The following GRIK4 variants were observed in gnomAD, a reference collection of about 807,000 sequenced individuals.
The protein encoded by GRIK4 is glutamate receptor ionotropic, kainate 4.
In GRIK4, 40 loss-of-function variants were observed where a neutral mutation model predicts 104.9. The observed-to-expected ratio is 0.38, with a 90% CI of 0.30 to 0.50. The LOEUF is 0.50. Ranked by LOEUF, GRIK4 falls within the 20% of genes least tolerant of loss-of-function variation. GRIK4 has a pLI of 0.93. For synonymous variants in GRIK4, 485 were observed against 524.9 expected, an observed-to-expected ratio of 0.92 and a Z score of 1.04; for missense variants, 1,047 against 1,308.1, an observed-to-expected ratio of 0.80 and a Z score of 3.08.
At chr11:120,584,525 G>T (rs1948632597) in intron 1 of GRIK4, among the ~76,000 whole-genome samples, 1 of 152,216 alleles carries the variant, frequency 6.6e-6, no homozygotes, top group Admixed American at 6.5e-5. Context: ...AGAGAGAGAG[G>T]TAAGGGGAGT....
chr11:120,874,193 C>A lies in GRIK4; in HGVS notation c.1034C>A (p.Thr345Asn), dbSNP rs1267915103. 1.9e-6 allele frequency: 3 copies of A among 1,612,876 alleles called. No individual in the cohort carries two copies. The highest frequency in any genetic ancestry group is 1.7e-6 in the Non-Finnish European group (2 of 1,179,804). ...TCGGCCCAGATCTGGCAGCACGGCA[C>A]CAGCCTCATGAACTACCTGCGCATG... ...CGSAQIWQHG[T>N]SLMNYLRMVE... The change falls in exon 10 of 21, where the codon ACC becomes AAC. Residue 345 changes from threonine (T) to asparagine (N), a missense_variant. Physicochemically the swap from Thr to Asn is moderately conservative, Grantham distance 65 (BLOSUM62 0). Coordinates refer to ENST00000527524, the MANE Select transcript of GRIK4 (RefSeq NM_014619.5).
intron 11 of GRIK4, among the ~76,000 whole-genome samples, chr11:120,880,563 T>C (rs1345029850): frequency 6.6e-6 from 1 of 152,202 alleles, no homozygotes; most frequent in Non-Finnish European, 1.5e-5. Context: ...TGCAGAGTTG[T>C]CCCAGCCCAT....
chr11:120,881,482 C>G (rs546312397), intron 11 of GRIK4, among the ~76,000 whole-genome samples: 37 of 152,246 alleles, frequency 2.4e-4, no homozygotes, highest in South Asian at 1.5e-3. Flanking sequence ...AGCTGACAGC[C>G]AGACTTTTGT....
intron 1 of GRIK4, among the ~76,000 whole-genome samples, chr11:120,594,239 A>G (rs559787495): frequency 6.6e-6 from 1 of 152,352 alleles, no homozygotes; most frequent in African/African-American, 2.4e-5. Context: ...GTATTTTGGG[A>G]GGCCAAGGCC....
At chr11:120,700,268 T>C (rs868867692) in intron 3 of GRIK4, among the ~76,000 whole-genome samples, 14,692 of 142,724 alleles carry the variant, frequency 0.1, 732 homozygotes, top group South Asian at 0.18. Flanking sequence ...TTACTACTTT[T>C]TTTTTTTTTT....
chr11:120,775,296 G>GCC (rs981898234), intron 3 of GRIK4, among the ~76,000 whole-genome samples: 4 of 152,106 alleles, frequency 2.6e-5, no homozygotes, highest in African/African-American at 9.7e-5. Context: ...ATACAAGAGA[G>GCC]CCCCCCTAAG....
chr11:120,716,213 A>G (rs535952120), intron 3 of GRIK4, among the ~76,000 whole-genome samples: 1 of 132,212 alleles, frequency 7.6e-6, no homozygotes, highest in Non-Finnish European at 1.6e-5. Flanking sequence ...TTCTGTAGTT[A>G]TAAAGCTCAT....
At chr11:120,831,204 G>A (rs536395392) in intron 6 of GRIK4, among the ~76,000 whole-genome samples, 5 of 152,306 alleles carry the variant, frequency 3.3e-5, no homozygotes, top group South Asian at 2.1e-4. Context: ...AGTTCAAAGC[G>A]TTTTACTAGA....
intron 6 of GRIK4, among the ~76,000 whole-genome samples, 163 bp downstream of exon 6, chr11:120,820,083 G>A (rs572168656): frequency 2.7e-3 from 93 of 34,508 alleles, no homozygotes; most frequent in Non-Finnish European, 3.0e-3. Context: ...TCATGTGTCC[G>A]TGTGTGTGTG....
chr11:120,755,572 C>T (rs1349524229), intron 3 of GRIK4, among the ~76,000 whole-genome samples: 1 of 151,596 alleles, frequency 6.6e-6, no homozygotes, highest in African/African-American at 2.4e-5. Context: ...CACACCACTG[C>T]ACTCCACCCT....
At chr11:120,702,186 C>T (rs1246738504) in intron 3 of GRIK4, among the ~76,000 whole-genome samples, 3 of 152,272 alleles carry the variant, frequency 2.0e-5, no homozygotes, top group Non-Finnish European at 4.4e-5. Flanking sequence ...GATCTCTTCA[C>T]CTTGTGATCC....
At chr11:120,620,807 C>T (rs1331624781) in intron 1 of GRIK4, among the ~76,000 whole-genome samples, 1 of 152,198 alleles carries the variant, frequency 6.6e-6, no homozygotes, top group Non-Finnish European at 1.5e-5. Context: ...AACTATCAGA[C>T]ACTACTTATT....
intron 8 of GRIK4, 85 bp downstream of exon 8, chr11:120,836,929 G>A (rs150080016): frequency 2.2e-5 from 20 of 912,070 alleles, no homozygotes; most frequent in Middle Eastern, 4.3e-4. Flanking sequence ...AAAGCCCAGG[G>A]GATGACGAGT....
At chr11:120,985,069 T>A (rs1337583035) in intron 20 of GRIK4, among the ~76,000 whole-genome samples, 1 of 152,056 alleles carries the variant, frequency 6.6e-6, no homozygotes, top group Non-Finnish European at 1.5e-5. Context: ...CCTCAAGTGA[T>A]CTGCCTACCT....
chr11:120,645,414 T>G (rs1271101572), intron 1 of GRIK4, among the ~76,000 whole-genome samples: 1 of 152,242 alleles, frequency 6.6e-6, no homozygotes, highest in Admixed American at 6.5e-5. Flanking sequence ...GGAATGGATG[T>G]TGAGTGTGTA....
At chr11:120,700,736 C>T (rs1042010835) in intron 3 of GRIK4, among the ~76,000 whole-genome samples, 7 of 152,120 alleles carry the variant, frequency 4.6e-5, no homozygotes, top group African/African-American at 7.2e-5. Flanking sequence ...GGATTACAGG[C>T]GTGAGCCACT....
At chr11:120,907,022 C>T (rs1942883092) in intron 13 of GRIK4, among the ~76,000 whole-genome samples, 1 of 152,150 alleles carries the variant, frequency 6.6e-6, no homozygotes, top group Non-Finnish European at 1.5e-5. Flanking sequence ...AGCAGAAAGC[C>T]CTCTGCAGTC....
chr11:120,871,492 C>T (rs1366292138), intron 9 of GRIK4: 1 of 407,118 alleles, frequency 2.5e-6, no homozygotes, highest in Admixed American at 2.6e-5. Flanking sequence ...TGTGGTGGCT[C>T]AGCCCACCTC....
Position 120,898,549 on chromosome 11 carries a change from G to A in GRIK4, c.1182G>A (p.Val394=), listed in dbSNP as rs1942646603. The stretch of plus-strand genomic sequence containing the variant: ...CTCCTCAGATCGGCCAGTGGCACGT[G>A]GCAGAGGGCCTCAGCATGGACAGCC... ...NGFRQIGQWH[V]AEGLSMDSHL... Residue 394 remains valine, a synonymous_variant, in exon 12 of 21, where the codon GTG becomes GTA. Coordinates refer to ENST00000527524, the MANE Select transcript of GRIK4 (RefSeq NM_014619.5). 1 of 1,605,656 alleles carries A rather than the reference G, an allele frequency of 6.2e-7. No homozygotes were observed. The highest frequency in any genetic ancestry group is 8.5e-7 in the Non-Finnish European group (1 of 1,172,292).
Sources: gnomAD v4.1 joint callset for allele counts (sites outside exome capture counted in the v4.1 genomes callset) on GRCh38, gnomAD v4.1.1 for gene constraint, MANE v1.5 for transcripts, NCBI Gene and HGNC (gene_info 2026-07-23, HGNC 2026-07-21) for gene names.